CFAP54: variants seen among roughly 807,000 people sequenced by gnomAD.
CFAP54 encodes the protein cilia and flagella associated protein 54, also known as cilia- and flagella-associated protein 54.
A neutral mutation model predicts 370.4 loss-of-function variants in CFAP54; 290 were observed. The observed-to-expected ratio is 0.78, with a 90% CI of 0.71 to 0.86. The LOEUF (loss-of-function observed/expected upper bound fraction) is 0.86. Among genes scored for constraint, CFAP54 ranks in the 40% least tolerant of loss-of-function variants. The pLI is 0.00. For synonymous variants in CFAP54, 1,206 were observed against 1,236.5 expected (o/e 0.98, Z 0.52); for missense variants, 3,399 against 3,528.7 (o/e 0.96, Z 0.93).
chr12:96,836,448 A>G (rs1023630204), intron 66 of CFAP54, among the ~76,000 whole-genome samples: 15 of 152,198 alleles, frequency 9.9e-5, no homozygotes, highest in Non-Finnish European at 1.9e-4. Context: ...AAATGCCAAT[A>G]GAACATGTTA....
intron 39 of CFAP54, among the ~76,000 whole-genome samples, chr12:96,665,923 T>C (rs1957074902): frequency 6.6e-6 from 1 of 152,228 alleles, no homozygotes; most frequent in African/African-American, 2.4e-5. Flanking sequence ...ATGACTGTTT[T>C]AATGATATTG....
intron 15 of CFAP54, among the ~76,000 whole-genome samples, chr12:96,549,175 C>T (rs1955669956): frequency 6.6e-6 from 1 of 152,054 alleles, no homozygotes; most frequent in Non-Finnish European, 1.5e-5. Flanking sequence ...TTTTTAAGGA[C>T]ATTAGAGTTT....
At chr12:96,638,204 C>CGTGT (rs1956681933) in intron 32 of CFAP54, among the ~76,000 whole-genome samples, 7 of 72,090 alleles carry the variant, frequency 9.7e-5, no homozygotes, top group South Asian at 5.8e-4. Flanking sequence ...TATATATATG[C>CGTGT]ATGTGTGTGT....
At chr12:96,661,792 A>G (rs967108136) in intron 38 of CFAP54, among the ~76,000 whole-genome samples, 1 of 152,150 alleles carries the variant, frequency 6.6e-6, no homozygotes, top group African/African-American at 2.4e-5. Flanking sequence ...TTTCCTCCTC[A>G]TAGTTTAGCC....
intron 66 of CFAP54, among the ~76,000 whole-genome samples, chr12:96,855,957 C>G (rs973837523): frequency 4.6e-5 from 7 of 152,236 alleles, no homozygotes; most frequent in African/African-American, 1.7e-4. Flanking sequence ...GCCTAGACAT[C>G]CAGGCATTTC....
intron 42 of CFAP54, among the ~76,000 whole-genome samples, chr12:96,687,857 T>G (rs1362098783): frequency 3.9e-5 from 6 of 152,220 alleles, no homozygotes; most frequent in Non-Finnish European, 8.8e-5. Context: ...ACAGCCTTCC[T>G]GCCAGAGGGC....
chr12:96,733,215 G>T (rs2136630184), intron 50 of CFAP54, among the ~76,000 whole-genome samples: 1 of 152,268 alleles, frequency 6.6e-6, no homozygotes, highest in Non-Finnish European at 1.5e-5. Context: ...TTGTCATTTA[G>T]GGGAAGCCTA....
Position 96,641,822 on chromosome 12 carries a change from A to G in CFAP54, c.4317-2356A>G, listed in dbSNP as rs1008500793. The stretch of plus-strand genomic sequence containing the variant: ...AAACTATCATTCTCAGCAAATTGTC[A>G]CAAGGACAAAAAACCAAACATCGCA... On this transcript the variant is annotated intron_variant, in intron 32 of 67. Transcript: ENST00000524981. 4.6e-5 allele frequency among the ~76,000 whole-genome samples: 7 copies of G among 152,072 alleles called. No homozygotes were observed. In the East Asian group the frequency reaches 7.7e-4, roughly 17 times the overall value.
At chr12:96,504,994 T>TTCTCTTTCTTTCTTTCTTTCTTTCTTTC (rs1565877525) in intron 3 of CFAP54, among the ~76,000 whole-genome samples, 5 of 148,916 alleles carry the variant, frequency 3.4e-5, no homozygotes, top group Non-Finnish European at 3.0e-5. Flanking sequence ...TCTTCTTTCT[T>TTCTCTTTCTTTCTTTCTTTCTTTCTTTC]TTTCTTTCTT....
intron 44 of CFAP54, among the ~76,000 whole-genome samples, 160 bp downstream of exon 44, chr12:96,691,470 T>C (rs2136564893): frequency 1.3e-5 from 2 of 152,342 alleles, no homozygotes; most frequent in African/African-American, 4.8e-5. Context: ...CTAAAATGTA[T>C]TAATTAATAT....
At chr12:96,774,162 G>A (rs1397950236) in intron 60 of CFAP54, among the ~76,000 whole-genome samples, 1 of 151,880 alleles carries the variant, frequency 6.6e-6, no homozygotes, top group Non-Finnish European at 1.5e-5. Flanking sequence ...AAAAAAATTT[G>A]GCCTTTAAGT....
intron 58 of CFAP54, among the ~76,000 whole-genome samples, chr12:96,761,442 G>A (rs1411168190): frequency 2.6e-5 from 4 of 151,958 alleles, no homozygotes; most frequent in Non-Finnish European, 5.9e-5. Context: ...CTTTCATATT[G>A]TTAGTAGTGT....
Position 96,644,285 on chromosome 12 carries a change from T to A in CFAP54, c.4424T>A (p.Leu1475His). ...AGAAAGAGGTTCCATCGTCTATCAC[T>A]TGAAGAGATGCCCTGGAGAGCTCAG... ...VKRKRFHRLS[L>H]EEMPWRAQMN... Residue 1475 changes from leucine to histidine, a missense_variant, in exon 33 of 68, where the codon CTT becomes CAT. Physicochemically the swap from Leu to His is moderately conservative, Grantham distance 99. Around this residue, in one of 3 missense-constraint regions of CFAP54, gnomAD observed 2,796 missense variants for 2,869.7 expected, o/e 0.97. Coordinates refer to ENST00000524981, the MANE Select transcript of CFAP54 (RefSeq NM_001306084.2). 1 of 1,535,796 alleles carries A rather than the reference T, an allele frequency of 6.5e-7. No homozygotes were observed. Among genetic ancestry groups the A allele is most frequent in the South Asian group, 1.2e-5 (1 of 84,054 alleles).
rs562371519 is a variant in CFAP54, at chr12:96,655,897, T to G, written c.5101-1985T>G. Among the ~76,000 whole-genome samples the G allele has an allele frequency of 2.0e-5, 3 of 152,276 alleles. No homozygotes were observed. In the South Asian group the frequency reaches 6.2e-4, roughly 32 times the overall value. ...CTTTTTTTTAGGTAGGATTATAGTA[T>G]TGTAGTTATGTTTTTGTATAACTAA... On this transcript the variant is annotated intron_variant, in intron 36 of 67. Coordinates refer to ENST00000524981, the MANE Select transcript of CFAP54 (RefSeq NM_001306084.2).
Position 96,745,318 on chromosome 12 carries a change from T to A in CFAP54, c.7684+1172T>A, listed in dbSNP as rs369636081. On this transcript the variant is annotated intron_variant, in intron 55 of 67. Coordinates refer to ENST00000524981, the MANE Select transcript of CFAP54 (RefSeq NM_001306084.2). ...ACTCCCACCAACAGTGTAAAAGCATTCCTTTTTCTCTGCAACCTTGCCAGC... is the reference window on the plus strand; with the variant it reads ...ACTCCCACCAACAGTGTAAAAGCATACCTTTTTCTCTGCAACCTTGCCAGC... Among the ~76,000 whole-genome samples the A allele has an allele frequency of 3.0e-4, 46 of 152,322 alleles. No homozygotes were observed. The South Asian group carries it at 8.5e-3, about 28-fold the overall frequency.
At position 96,831,614 on chromosome 12, in the gene CFAP54, G is replaced by A. The variant is rs1432847805; in HGVS notation, c.9171+2526G>A. Among the ~76,000 whole-genome samples the A allele has an allele frequency of 2.0e-5, 3 of 152,282 alleles. No individual in the cohort carries two copies. In the East Asian group the frequency reaches 5.8e-4, roughly 29 times the overall value. On this transcript the variant is annotated intron_variant, in intron 66 of 67. Transcript: ENST00000524981. ...TCACAGCTTAGATAGGGTGGTCAGG[G>A]AAGACTGAAGACTTCTCTGAGGAAG...
chr12:96,589,864 A>T (rs1316451602), intron 23 of CFAP54, among the ~76,000 whole-genome samples: 1 of 152,026 alleles, frequency 6.6e-6, no homozygotes, highest in East Asian at 1.9e-4. Context: ...CTCATGCCTC[A>T]GCCTCCCGAG....
chr12:96,728,321 A>T (rs1392268346), intron 50 of CFAP54, among the ~76,000 whole-genome samples: 3 of 152,098 alleles, frequency 2.0e-5, no homozygotes, highest in African/African-American at 7.3e-5. Context: ...CACCAATCAG[A>T]TGCAGATTTG....
chr12:96,598,572 A>G (rs1378776070), intron 25 of CFAP54, 73 bp from the exon 26 acceptor site: 1 of 465,146 alleles, frequency 2.1e-6, no homozygotes, highest in Non-Finnish European at 3.8e-6. Context: ...GCATTATTTG[A>G]ATGGAACATT....
Sources: gnomAD v4.1 joint callset for allele counts (sites outside exome capture counted in the v4.1 genomes callset) on GRCh38, gnomAD v4.1.1 for gene constraint, gnomAD v4.1.1 regional missense constraint, MANE v1.5 for transcripts, NCBI Gene and HGNC (gene_info 2026-07-23, HGNC 2026-07-21) for gene names.